Variants in AFF2 observed in about 807,000 individuals in gnomAD.
AFF2 encodes ALF transcription elongation factor 2.
Under a neutral mutation model 76.9 loss-of-function variants are expected in AFF2, and 14 were observed. That is an observed-to-expected ratio of 0.18 (90% confidence interval 0.12 to 0.28). AFF2 has a LOEUF of 0.28. Ranked by LOEUF, AFF2 falls within the 10% of genes least tolerant of loss-of-function variation. The pLI is 1.00. For synonymous variants in AFF2, 398 were observed against 366.7 expected, an observed-to-expected ratio of 1.09 and a Z score of -0.98; for missense variants, 868 against 1,001.1, an observed-to-expected ratio of 0.87 and a Z score of 1.79.
intron 15 of AFF2, among the ~76,000 whole-genome samples, chrX:148,969,416 C>T (rs782588906): frequency 1.8e-5 from 2 of 112,171 alleles, no homozygotes; most frequent in South Asian, 3.7e-4. Flanking sequence ...GTGATCCCTC[C>T]GTATCCATAG....
rs1482397872 is a variant in AFF2 at position 148,956,091 on chromosome X, A to G, written c.2046A>G (p.Lys682=). The G allele has an allele frequency of 1.7e-6, 2 of 1,211,142 alleles. No homozygotes were observed. Among genetic ancestry groups the G allele is most frequent in the Non-Finnish European group, 2.2e-6 (2 of 895,324 alleles). ...CTGCCCACAAACCAGCCCCTAGGAA[A>G]GAACCAAGACCTAACATCCCTTTGG... ...KATAHKPAPR[K]EPRPNIPLAP... The change falls in exon 11 of 21, where the codon AAA becomes AAG. Residue 682 remains lysine (K), a synonymous_variant. Transcript: ENST00000370460.
chrX:148,673,918 G>A (rs189947079), intron 3 of AFF2, among the ~76,000 whole-genome samples: 40 of 112,546 alleles, frequency 3.6e-4, no homozygotes, highest in African/African-American at 1.1e-3. Flanking sequence ...ATCTTTTAGG[G>A]AAGTATAAAG....
intron 11 of AFF2, 81 bp from the exon 12 acceptor site, chrX:148,958,256 G>A: frequency 8.8e-7 from 1 of 1,132,188 alleles, no homozygotes; most frequent in Non-Finnish European, 1.2e-6. Flanking sequence ...TATGTATCTT[G>A]CTCATTTTTA....
chrX:148,778,432 A>G (rs919461150), intron 3 of AFF2, among the ~76,000 whole-genome samples: 5 of 111,354 alleles, frequency 4.5e-5, no homozygotes, highest in Non-Finnish European at 9.4e-5. Context: ...GAATGGTACC[A>G]GCTCCTCTTT....
chrX:148,777,740 G>C (rs1297956848), intron 3 of AFF2, among the ~76,000 whole-genome samples: 2 of 112,356 alleles, frequency 1.8e-5, no homozygotes, highest in African/African-American at 6.5e-5. Flanking sequence ...ATCAACTTAA[G>C]AAGATTTTGG....
Position 148,999,257 on chromosome X carries a change from A to G in AFF2, c.*7925A>G, listed in dbSNP as rs1569558173. 9.0e-6 allele frequency: 1 copy of G among 111,158 alleles called. No individual in the cohort carries two copies. Among genetic ancestry groups the G allele is most frequent in the Non-Finnish European group, 1.9e-5 (1 of 53,060 alleles). 9.2% of individuals were successfully genotyped at this position (111,158 alleles called of 1,213,427 possible). A position where few individuals can be genotyped will look rare whatever the true frequency, so the allele number is the denominator to read the frequency against. On this transcript the variant is annotated 3_prime_UTR_variant, in exon 21 of 21. Coordinates refer to ENST00000370460, the MANE Select transcript of AFF2 (RefSeq NM_002025.4). ...TGCTTTGTATCTAACAGGCACATTCACGTCTCGTGTACTCATATGAAGTAT... is the reference window on the plus strand; with the variant it reads ...TGCTTTGTATCTAACAGGCACATTCGCGTCTCGTGTACTCATATGAAGTAT...
chrX:148,784,156 T>C (rs1182388617), intron 3 of AFF2, among the ~76,000 whole-genome samples: 3 of 112,281 alleles, frequency 2.7e-5, no homozygotes, highest in African/African-American at 9.7e-5. Context: ...ACTTCCCTAA[T>C]GCCAGAGAAC....
At position 148,551,482 on chromosome X, in the gene AFF2, GAAAAAAAAAAAAAA is replaced by G. The variant is rs781883999; in HGVS notation, c.47+50352_47+50365del. Reference sequence around the variant, plus strand: ...AACTCTCCTCCAGATGCTGGGAAGTGAAAAAAAAAAAAAAAAAAAAAAAAAAAGAAGAAAGAAAG... The same window carrying G: ...AACTCTCCTCCAGATGCTGGGAAGTGAAAAAAAAAAAAAGAAGAAAGAAAG... On this transcript the variant is annotated intron_variant, in intron 1 of 20. Coordinates refer to ENST00000370460, the MANE Select transcript of AFF2 (RefSeq NM_002025.4). 1.9e-3 allele frequency among the ~76,000 whole-genome samples: 71 copies of G among 38,011 alleles called. 1 individual carries two copies. Among genetic ancestry groups the G allele is most frequent in the Middle Eastern group, 0.02 (1 of 51 alleles). The allele number at this position is 38,011 out of a possible 115,157, so 33.0% of individuals were successfully genotyped here. A position where few individuals can be genotyped will look rare whatever the true frequency, so the allele number is the denominator to read the frequency against.
chrX:148,762,244 T>C (rs782347591), intron 3 of AFF2, among the ~76,000 whole-genome samples: 1 of 109,593 alleles, frequency 9.1e-6, no homozygotes, highest in Non-Finnish European at 1.9e-5. Flanking sequence ...ATCATTCTTA[T>C]GCCTTTGCAT....
chrX:148,560,345 A>G (rs1361259759), intron 1 of AFF2, among the ~76,000 whole-genome samples: 1 of 111,816 alleles, frequency 8.9e-6, no homozygotes. Context: ...GAAAACTGAA[A>G]CTGGACCCCT....
intron 9 of AFF2, among the ~76,000 whole-genome samples, chrX:148,953,223 A>G: frequency 1.8e-5 from 2 of 112,197 alleles, no homozygotes; most frequent in Middle Eastern, 9.2e-3. Flanking sequence ...ACCTTAACTG[A>G]AAAAAATGGG....
intron 7 of AFF2, among the ~76,000 whole-genome samples, chrX:148,867,953 C>G (rs1207395982): frequency 8.9e-6 from 1 of 111,832 alleles, no homozygotes; most frequent in Non-Finnish European, 1.9e-5. Context: ...TCAAGGCCAT[C>G]TCTCATAGCT....
At chrX:148,799,180 C>T (rs1445219022) in intron 3 of AFF2, among the ~76,000 whole-genome samples, 2 of 112,051 alleles carry the variant, frequency 1.8e-5, no homozygotes, top group Non-Finnish European at 3.8e-5. Context: ...TGAGTGATTT[C>T]CTGGACACAC....
At chrX:148,697,814 C>T (rs1199714832) in intron 3 of AFF2, among the ~76,000 whole-genome samples, 1 of 111,688 alleles carries the variant, frequency 9.0e-6, no homozygotes, top group African/African-American at 3.3e-5. Context: ...AGAGTCCAGC[C>T]CAGGGCTCTG....
chrX:148,601,359 A>G (rs2053624540), intron 1 of AFF2, among the ~76,000 whole-genome samples: 1 of 112,120 alleles, frequency 8.9e-6, no homozygotes, highest in Non-Finnish European at 1.9e-5. Flanking sequence ...AAAATATCTC[A>G]CAGTCGGAGG....
At chrX:148,796,841 G>T (rs1466430466) in intron 3 of AFF2, among the ~76,000 whole-genome samples, 1 of 112,351 alleles carries the variant, frequency 8.9e-6, no homozygotes, top group Non-Finnish European at 1.9e-5. Context: ...ACTTAGCAAA[G>T]TATCGATTAT....
At chrX:148,543,616 A>G (rs2052885663) in intron 1 of AFF2, among the ~76,000 whole-genome samples, 1 of 112,039 alleles carries the variant, frequency 8.9e-6, no homozygotes, top group African/African-American at 3.2e-5. Context: ...GAAAGCACAG[A>G]GAGAAAATCT....
rs782029766 is a variant in AFF2 at position 148,961,968 on chromosome X, A to G, written c.2691-747A>G. On this transcript the variant is annotated intron_variant, in intron 12 of 20. Coordinates refer to ENST00000370460, the MANE Select transcript of AFF2 (RefSeq NM_002025.4). ...TGTTCTGTTTCATTTGAAGTCTCAG[A>G]CTATTTGGTGGTGCCCATTTAATGG... 1.4e-4 allele frequency among the ~76,000 whole-genome samples: 16 copies of G among 112,720 alleles called. No individual in the cohort carries two copies. The South Asian group carries it at 5.2e-3, about 36-fold the overall frequency.
At chrX:148,521,987 A>C (rs1263313117) in intron 1 of AFF2, among the ~76,000 whole-genome samples, 1 of 111,987 alleles carries the variant, frequency 8.9e-6, no homozygotes, top group Non-Finnish European at 1.9e-5. Context: ...ACTTCAAATG[A>C]AACTTCCGCC....
Sources: gnomAD v4.1 joint callset for allele counts (sites outside exome capture counted in the v4.1 genomes callset) on GRCh38, gnomAD v4.1.1 for gene constraint, MANE v1.5 for transcripts, NCBI Gene and HGNC (gene_info 2026-07-23, HGNC 2026-07-21) for gene names.